Variants in ADAMTS5 observed in about 807,000 individuals in gnomAD.
The protein encoded by ADAMTS5 is ADAM metallopeptidase with thrombospondin type 1 motif 5, also known as A disintegrin and metalloproteinase with thrombospondin motifs 5.
ADAMTS5 carries 54 observed loss-of-function variants against 81.4 expected under a neutral mutation model. The observed-to-expected ratio is 0.66, with a 90% CI of 0.53 to 0.83. The LOEUF (loss-of-function observed/expected upper bound fraction) is 0.83. Ranked by LOEUF, ADAMTS5 falls within the 40% of genes least tolerant of loss-of-function variation. The pLI is 0.00. For synonymous variants in ADAMTS5, 532 were observed against 508.8 expected, an observed-to-expected ratio of 1.05 and a Z score of -0.61; for missense variants, 1,194 against 1,229.9, an observed-to-expected ratio of 0.97 and a Z score of 0.44.
intron 6 of ADAMTS5, among the ~76,000 whole-genome samples, chr21:26,931,398 C>T (rs1986904338): frequency 6.6e-6 from 1 of 152,140 alleles, no homozygotes; most frequent in Non-Finnish European, 1.5e-5. Flanking sequence ...TGCTGTATAA[C>T]ACTGACCATA....
intron 1 of ADAMTS5, among the ~76,000 whole-genome samples, chr21:26,960,527 T>A (rs983388222): frequency 6.6e-6 from 1 of 152,166 alleles, no homozygotes; most frequent in Non-Finnish European, 1.5e-5. Context: ...CCCAAGAGTG[T>A]TCACTCTGTT....
chr21:26,933,949 A>T (rs1409038288), intron 4 of ADAMTS5, among the ~76,000 whole-genome samples: 2 of 152,156 alleles, frequency 1.3e-5, no homozygotes, highest in Non-Finnish European at 1.5e-5. Flanking sequence ...CTGAAGCTGG[A>T]CTGTGTATAT....
At position 26,946,973 on chromosome 21, in the gene ADAMTS5, A is replaced by G. The variant is rs532182066; in HGVS notation, c.1238-3426T>C. 3.3e-4 allele frequency among the ~76,000 whole-genome samples: 50 copies of G among 152,304 alleles called. 1 individual carries two copies. The Middle Eastern group carries it at 0.01, about 31-fold the overall frequency. On this transcript the variant is annotated intron_variant, in intron 2 of 7. Transcript: ENST00000284987. ...AGAGATCTGAGGAAGCTCCCTCACTAAAATAGGACGTGAAACTCCTAGTGA... is the reference window on the plus strand; with the variant it reads ...AGAGATCTGAGGAAGCTCCCTCACTGAAATAGGACGTGAAACTCCTAGTGA...
At position 26,940,524 on chromosome 21, in the gene ADAMTS5, A is replaced by C. The variant is rs752182499; in HGVS notation, c.1405+2856T>G. 2.0e-5 allele frequency among the ~76,000 whole-genome samples: 3 copies of C among 152,300 alleles called. No homozygotes were observed. The South Asian group carries it at 6.2e-4, about 32-fold the overall frequency. ...ATAGCCTTTCTCTTATTGTTAAATA[A>C]TATCATTTCTTGTTCTCAGATTACC... On this transcript the variant is annotated intron_variant, in intron 3 of 7. Transcript: ENST00000284987.
intron 1 of ADAMTS5, among the ~76,000 whole-genome samples, chr21:26,963,135 A>G (rs1214731507): frequency 1.3e-5 from 2 of 151,964 alleles, no homozygotes; most frequent in African/African-American, 2.4e-5. Context: ...GAGAGGGCCC[A>G]TGTGAAATAT....
intron 1 of ADAMTS5, among the ~76,000 whole-genome samples, chr21:26,956,795 CCCT>C (rs1987435527): frequency 6.6e-6 from 1 of 152,124 alleles, no homozygotes; most frequent in Non-Finnish European, 1.5e-5. Flanking sequence ...AGGGAAATGA[CCCT>C]CCTCTTCTCG....
intron 3 of ADAMTS5, 32 bp from the exon 4 acceptor site, chr21:26,934,781 T>C: frequency 6.2e-7 from 1 of 1,604,700 alleles, no homozygotes. Flanking sequence ...ACCACGGCTC[T>C]GTGTTTAGGT....
At chr21:26,931,868 G>A (rs1158416430) in intron 6 of ADAMTS5, 136 bp downstream of exon 6, 1 of 726,230 alleles carries the variant, frequency 1.4e-6, no homozygotes, top group South Asian at 3.0e-5. Context: ...AAGTTATAGA[G>A]ATGAAAATAA....
chr21:26,945,412 T>G (rs1030373060), intron 2 of ADAMTS5, among the ~76,000 whole-genome samples: 4 of 152,202 alleles, frequency 2.6e-5, no homozygotes, highest in African/African-American at 9.6e-5. Context: ...ATGTGATGTA[T>G]ACATTCTACT....
In ADAMTS5 at chr21:26,924,631, G is replaced by C. The variant is rs373975626; in HGVS notation, c.2226-11C>G. ...TCAGTGTAACCCTTACTGGAAGTAG[G>C]AATGTTCACAGGAAGTGGGGGAAGG... is the stretch of plus-strand genomic sequence containing the variant. On this transcript the variant is annotated splice_polypyrimidine_tract_variant and intron_variant, in intron 7 of 7. Transcript: ENST00000284987. 4 of 1,590,388 alleles carry C rather than the reference G, an allele frequency of 2.5e-6. No homozygotes were observed. In the African/African-American group the frequency reaches 5.4e-5, roughly 21 times the overall value.
At chr21:26,928,403 T>A (rs1986842088) in intron 7 of ADAMTS5, among the ~76,000 whole-genome samples, 1 of 152,230 alleles carries the variant, frequency 6.6e-6, no homozygotes, top group Non-Finnish European at 1.5e-5. Flanking sequence ...GTTGCTATAA[T>A]GAATTTCTTC....
chr21:26,938,037 C>T (rs1359952828), intron 3 of ADAMTS5, among the ~76,000 whole-genome samples: 4 of 151,970 alleles, frequency 2.6e-5, no homozygotes, highest in South Asian at 2.1e-4. Context: ...GTCAAGAGTT[C>T]GCGACCAGCC....
chr21:26,931,941 T>C (rs1986915426), intron 6 of ADAMTS5, 63 bp downstream of exon 6: 1 of 1,491,230 alleles, frequency 6.7e-7, no homozygotes, highest in African/African-American at 1.4e-5. Flanking sequence ...TCCGCAGGCT[T>C]CATTCTACCA....
chr21:26,953,328 G>A (rs1194396833), intron 2 of ADAMTS5, among the ~76,000 whole-genome samples: 3 of 152,198 alleles, frequency 2.0e-5, no homozygotes, highest in Admixed American at 6.5e-5. Context: ...TCTCAGTGAT[G>A]CTATTGGATA....
chr21:26,924,440 A>G lies in ADAMTS5; in HGVS notation c.2406T>C (p.Asn802=). The G allele has an allele frequency of 3.1e-6, 5 of 1,614,218 alleles. No individual in the cohort carries two copies. Among genetic ancestry groups the G allele is most frequent in the Non-Finnish European group, 4.2e-6 (5 of 1,180,038 alleles). The change falls in exon 8 of 8, where the codon AAT becomes AAC. Residue 802 remains asparagine, a synonymous_variant. Transcript: ENST00000284987. ...ISTSETIIDI[N]GTVMNYSGWS... ...AACCGCTATAGTTCATGACTGTTCC[A>G]TTGATGTCAATGATAGTCTCTGAAG...
intron 3 of ADAMTS5, among the ~76,000 whole-genome samples, chr21:26,941,854 T>C (rs1249834389): frequency 6.6e-6 from 1 of 152,086 alleles, no homozygotes; most frequent in African/African-American, 2.4e-5. Context: ...TCAATGTAGA[T>C]AGGATGATAG....
chr21:26,945,892 G>T (rs1987205640), intron 2 of ADAMTS5, among the ~76,000 whole-genome samples: 1 of 152,172 alleles, frequency 6.6e-6, no homozygotes, highest in African/African-American at 2.4e-5. Context: ...AAGGGGATGT[G>T]ACTTTTGTAA....
rs1478345719 is a variant in ADAMTS5, at chr21:26,930,085, G to A, written c.2050-24C>T. ...ACCTGAATCATGGCAAATGCATTAGGAGTGGGAAATGTTTGCATCAGTATT... is the reference window on the plus strand; with the variant it reads ...ACCTGAATCATGGCAAATGCATTAGAAGTGGGAAATGTTTGCATCAGTATT... On this transcript the variant is annotated intron_variant, in intron 6 of 7. Coordinates refer to ENST00000284987, the MANE Select transcript of ADAMTS5 (RefSeq NM_007038.5). 1.9e-6 allele frequency: 3 copies of A among 1,609,934 alleles called. No individual in the cohort carries two copies. In the African/African-American group the frequency reaches 4.0e-5, roughly 22 times the overall value.
At chr21:26,931,135 C>G (rs1215183166) in intron 6 of ADAMTS5, among the ~76,000 whole-genome samples, 2 of 152,056 alleles carry the variant, frequency 1.3e-5, no homozygotes, top group Non-Finnish European at 2.9e-5. Flanking sequence ...CAATCTCTGC[C>G]TCCCGAGTTC....
Sources: gnomAD v4.1 joint callset for allele counts (sites outside exome capture counted in the v4.1 genomes callset) on GRCh38, gnomAD v4.1.1 for gene constraint, MANE v1.5 for transcripts, NCBI Gene and HGNC (gene_info 2026-07-23, HGNC 2026-07-21) for gene names.